Variants in CCDC191 observed in about 807,000 individuals in gnomAD.
CCDC191 encodes the protein coiled-coil domain containing 191, also known as coiled-coil domain-containing protein 191.
A neutral mutation model predicts 114.0 loss-of-function variants in CCDC191; 99 were observed. The ratio of observed to expected loss-of-function variants is 0.87; its 90% CI spans 0.74 to 1.03. The LOEUF is 1.03. CCDC191 is among the 50% of genes least tolerant of loss of function. The pLI, the probability that CCDC191 is intolerant of heterozygous loss-of-function variation, is 0.00. For missense variants in CCDC191, 973 were observed against 1,087.0 expected, an observed-to-expected ratio of 0.90 and a Z score of 1.47; for synonymous variants, 351 against 376.0, an observed-to-expected ratio of 0.93 and a Z score of 0.77.
chr3:113,999,460 TG>T (rs2075808755), intron 13 of CCDC191, among the ~76,000 whole-genome samples: 2 of 152,188 alleles, frequency 1.3e-5, no homozygotes, highest in Admixed American at 1.3e-4. Context: ...AGAATACATT[TG>T]GAATACAGGA....
Position 113,973,476 on chromosome 3 carries a change from T to G in CCDC191, c.2606+4710A>C, listed in dbSNP as rs377734274. ...AGATTGAAGAACTCCCTTTAACATT[T>G]CTTGTAAGATGGGTCTGGTGGTGGT... On this transcript the variant is annotated intron_variant, in intron 16 of 16. Coordinates refer to ENST00000295878, the MANE Select transcript of CCDC191 (RefSeq NM_020817.2). 9.2e-5 allele frequency among the ~76,000 whole-genome samples: 14 copies of G among 152,198 alleles called. No individual in the cohort carries two copies. The East Asian group carries it at 1.2e-3, about 13-fold the overall frequency.
chr3:114,055,204 A>T (rs932200222), intron 1 of CCDC191, among the ~76,000 whole-genome samples: 1 of 152,222 alleles, frequency 6.6e-6, no homozygotes, highest in South Asian at 2.1e-4. Flanking sequence ...TTAAAATACA[A>T]CTGAACTTGA....
At chr3:113,965,470 T>C (rs1394423588) in intron 16 of CCDC191, 111 bp from the exon 17 acceptor site, 5 of 569,004 alleles carry the variant, frequency 8.8e-6, no homozygotes, top group African/African-American at 1.9e-5. Context: ...AAATGCTGTA[T>C]AAAAGGTGTG....
intron 16 of CCDC191, among the ~76,000 whole-genome samples, chr3:113,969,680 G>C (rs1940603146): frequency 6.6e-6 from 1 of 152,026 alleles, no homozygotes; most frequent in Non-Finnish European, 1.5e-5. Context: ...TTAAATCTGG[G>C]TTCTCTATTC....
At chr3:114,044,887 G>A (rs545137346) in intron 3 of CCDC191, among the ~76,000 whole-genome samples, 30 of 152,104 alleles carry the variant, frequency 2.0e-4, no homozygotes, top group Admixed American at 1.6e-3. Flanking sequence ...GATTTTCAAA[G>A]TATGTTCCTC....
chr3:114,002,306 C>A, intron 12 of CCDC191, 150 bp downstream of exon 12: 4 of 570,318 alleles, frequency 7.0e-6, no homozygotes, highest in Middle Eastern at 4.6e-4. Flanking sequence ...AAAATTGTCA[C>A]GGAATTCAGG....
Position 114,056,394 on chromosome 3 carries a change from T to C in CCDC191, c.73A>G (p.Arg25Gly). 1 of 1,614,156 alleles carries C rather than the reference T, an allele frequency of 6.2e-7. No homozygotes were observed. Among genetic ancestry groups the C allele is most frequent in the Non-Finnish European group, 8.5e-7 (1 of 1,180,010 alleles). The change falls in exon 1 of 17, where the codon AGG becomes GGG. Residue 25 changes from arginine to glycine, a missense_variant. Coordinates refer to ENST00000295878, the MANE Select transcript of CCDC191 (RefSeq NM_020817.2). Reference sequence around the variant, plus strand: ...GGGATCACCTTGGGACTCGGCTTCCTTGTGAACCGTTTCCAGCGATTCAGC... The same window carrying C: ...GGGATCACCTTGGGACTCGGCTTCCCTGTGAACCGTTTCCAGCGATTCAGC... ...MGLNRWKRFT[R>G]KPSPKPTFGP...
In CCDC191 at chr3:114,006,619, A is replaced by ATATATATATATATAT. The variant is rs1559903359; in HGVS notation, c.1414-658_1414-657insATATATATATATATA. Among the ~76,000 whole-genome samples, 133 of 92,472 alleles carry ATATATATATATATAT rather than the reference A, an allele frequency of 1.4e-3. 4 individuals are homozygous for ATATATATATATATAT. Among genetic ancestry groups the ATATATATATATATAT allele is most frequent in the African/African-American group, 5.4e-3 (129 of 23,878 alleles). 60.7% of individuals were successfully genotyped at this position (92,472 alleles called of 152,430 possible). On this transcript the variant is annotated intron_variant, in intron 9 of 16. Transcript: ENST00000295878. ...ATATATATATATATATATATATATA[A>ATATATATATATATAT]ATATATATATTTTATATATAAAAAA...
chr3:113,981,103 A>C (rs1376264343), intron 13 of CCDC191, among the ~76,000 whole-genome samples: 1 of 152,198 alleles, frequency 6.6e-6, no homozygotes, highest in Non-Finnish European at 1.5e-5. Context: ...TTAGGAGAGC[A>C]ATCAGGATTT....
At chr3:114,008,577 A>G (rs2076013982) in intron 9 of CCDC191, among the ~76,000 whole-genome samples, 1 of 152,118 alleles carries the variant, frequency 6.6e-6, no homozygotes, top group South Asian at 2.1e-4. Flanking sequence ...CAGTGATAAA[A>G]GAAGAAGCCG....
chr3:113,971,958 A>T (rs1577311857), intron 16 of CCDC191, among the ~76,000 whole-genome samples: 2 of 151,978 alleles, frequency 1.3e-5, no homozygotes, highest in African/African-American at 4.8e-5. Context: ...TTTCCAGTTT[A>T]TTGATATATA....
intron 3 of CCDC191, among the ~76,000 whole-genome samples, chr3:114,043,760 A>T (rs1183394521): frequency 6.6e-6 from 1 of 152,204 alleles, no homozygotes. Flanking sequence ...AAGTATAATA[A>T]TCCAAAAGAG....
At chr3:113,998,870 C>T (rs2107651434) in intron 13 of CCDC191, among the ~76,000 whole-genome samples, 1 of 152,304 alleles carries the variant, frequency 6.6e-6, no homozygotes, top group Non-Finnish European at 1.5e-5. Context: ...ATTCCACACA[C>T]CGTTGCTTCT....
At chr3:114,029,518 A>G (rs2076374348) in intron 7 of CCDC191, among the ~76,000 whole-genome samples, 1 of 152,178 alleles carries the variant, frequency 6.6e-6, no homozygotes, top group Non-Finnish European at 1.5e-5. Context: ...TACATTAACA[A>G]TTGTTGCAGG....
chr3:114,029,285 A>T (rs1577447771), intron 7 of CCDC191, among the ~76,000 whole-genome samples: 2 of 152,218 alleles, frequency 1.3e-5, no homozygotes, highest in South Asian at 4.1e-4. Context: ...AATCTGAATA[A>T]GCAAGTAAAC....
chr3:114,029,236 G>A (rs776727198), intron 7 of CCDC191, among the ~76,000 whole-genome samples: 2 of 152,080 alleles, frequency 1.3e-5, no homozygotes, highest in Non-Finnish European at 2.9e-5. Flanking sequence ...AAGAACAAAG[G>A]AGCCAACTTG....
intron 13 of CCDC191, among the ~76,000 whole-genome samples, chr3:113,982,891 AC>A (rs2075216970): frequency 6.6e-6 from 1 of 151,912 alleles, no homozygotes; most frequent in Non-Finnish European, 1.5e-5. Context: ...AAAATAACTA[AC>A]AAAAAACAAC....
rs137978413 is a variant in CCDC191 at position 113,966,416 on chromosome 3, CAG to C, written c.2607-1059_2607-1058del. Reference sequence around the variant, plus strand: ...CCCGGGAGAGGCTGAAACAGGTGACCAGAGTTTCCATACAGTGGGAAGGTACA... The same window carrying C: ...CCCGGGAGAGGCTGAAACAGGTGACCAGTTTCCATACAGTGGGAAGGTACA... On this transcript the variant is annotated intron_variant, in intron 16 of 16. Coordinates refer to ENST00000295878, the MANE Select transcript of CCDC191 (RefSeq NM_020817.2). Among the ~76,000 whole-genome samples, 875 of 152,180 alleles carry C rather than the reference CAG, an allele frequency of 5.7e-3. 3 individuals are homozygous for C. The highest frequency in any genetic ancestry group is 0.02 in the African/African-American group (838 of 41,512).
chr3:113,997,878 A>G (rs1201828230), intron 13 of CCDC191, among the ~76,000 whole-genome samples: 1 of 152,206 alleles, frequency 6.6e-6, no homozygotes, highest in African/African-American at 2.4e-5. Context: ...CAGTTGTGGT[A>G]AAGCTAGTAT....
Sources: gnomAD v4.1 joint callset for allele counts (sites outside exome capture counted in the v4.1 genomes callset) on GRCh38, gnomAD v4.1.1 for gene constraint, MANE v1.5 for transcripts, NCBI Gene and HGNC (gene_info 2026-07-23, HGNC 2026-07-21) for gene names.